The following ADAMTS20 variants were observed in gnomAD, a reference collection of about 807,000 sequenced individuals.
ADAMTS20 encodes A disintegrin and metalloproteinase with thrombospondin motifs 20.
Under a neutral mutation model 260.1 loss-of-function variants are expected in ADAMTS20, and 225 were observed. That is an observed-to-expected ratio of 0.87 (90% CI 0.78 to 0.97). The LOEUF is 0.97. Among genes scored for constraint, ADAMTS20 ranks in the 50% least tolerant of loss-of-function variants. ADAMTS20 has a pLI of 0.00. For missense variants in ADAMTS20, 2,400 were observed against 2,337.7 expected, an observed-to-expected ratio of 1.03 and a Z score of -0.55; for synonymous variants, 802 against 769.5, an observed-to-expected ratio of 1.04 and a Z score of -0.70.
intron 2 of ADAMTS20, among the ~76,000 whole-genome samples, chr12:43,549,603 G>A (rs1477120879): frequency 6.6e-6 from 1 of 152,144 alleles, no homozygotes; most frequent in Non-Finnish European, 1.5e-5. Context: ...GTGGTAGCAA[G>A]TCTAGGATTT....
At chr12:43,467,050 A>G (rs1942167508) in intron 8 of ADAMTS20, among the ~76,000 whole-genome samples, 1 of 152,012 alleles carries the variant, frequency 6.6e-6, no homozygotes, top group Non-Finnish European at 1.5e-5. Flanking sequence ...GTTGCACCTC[A>G]TCACAATATG....
chr12:43,377,601 A>G (rs915898425), intron 31 of ADAMTS20, 39 bp from the exon 32 acceptor site: 26 of 1,549,748 alleles, frequency 1.7e-5, no homozygotes, highest in Non-Finnish European at 2.2e-5. Context: ...AATGTCATTA[A>G]CTTTAGCCAG....
intron 3 of ADAMTS20, among the ~76,000 whole-genome samples, chr12:43,504,577 A>G (rs1281744000): frequency 6.6e-6 from 1 of 152,190 alleles, no homozygotes; most frequent in Non-Finnish European, 1.5e-5. Context: ...GAGATCCCAG[A>G]TATACCTGAT....
At chr12:43,513,696 T>C (rs966211849) in intron 3 of ADAMTS20, among the ~76,000 whole-genome samples, 2 of 151,848 alleles carry the variant, frequency 1.3e-5, no homozygotes, top group Non-Finnish European at 2.9e-5. Flanking sequence ...ATTAAGAAAA[T>C]ATGGCACATA....
chr12:43,369,055 A>T (rs78370585), intron 37 of ADAMTS20, among the ~76,000 whole-genome samples: 1 of 152,156 alleles, frequency 6.6e-6, no homozygotes, highest in African/African-American at 2.4e-5. Context: ...CACATTATGG[A>T]AGAAGAAATA....
chr12:43,466,563 C>G lies in ADAMTS20; in HGVS notation c.1367+89G>C, dbSNP rs1224166844. 14 of 1,266,408 alleles carry G rather than the reference C, an allele frequency of 1.1e-5. 1 individual carries two copies. The Admixed American group carries it at 1.8e-4, about 16-fold the overall frequency. The allele number at this position is 1,266,408 out of a possible 1,614,324, so 78.4% of individuals were successfully genotyped here. A position where few individuals can be genotyped will look rare whatever the true frequency, so the allele number is the denominator to read the frequency against. On this transcript the variant is annotated intron_variant, in intron 9 of 38. Transcript: ENST00000389420. ...AAACATAAATTTAAACAAGAAAAAGCTAAACAGAAATTGAACCACCTTTAA... is the reference window on the plus strand; with the variant it reads ...AAACATAAATTTAAACAAGAAAAAGGTAAACAGAAATTGAACCACCTTTAA...
intron 10 of ADAMTS20, among the ~76,000 whole-genome samples, chr12:43,463,596 T>A (rs1440024088): frequency 6.6e-6 from 1 of 152,120 alleles, no homozygotes; most frequent in African/African-American, 2.4e-5. Context: ...TGGAAAGAAA[T>A]GTATCTTTTA....
intron 11 of ADAMTS20, among the ~76,000 whole-genome samples, chr12:43,456,447 C>T (rs554753550): frequency 1.2e-4 from 18 of 152,254 alleles, no homozygotes; most frequent in African/African-American, 2.4e-5. Flanking sequence ...CATGTACATT[C>T]TTTAACTCCC....
rs1052224306 is a variant in ADAMTS20, at chr12:43,429,685, C to T, written c.3421G>A (p.Glu1141Lys). 1 of 1,595,736 alleles carries T rather than the reference C, an allele frequency of 6.3e-7. No homozygotes were observed. Among genetic ancestry groups the T allele is most frequent in the African/African-American group, 1.3e-5 (1 of 74,662 alleles). The change falls in exon 24 of 39, where the codon GAG (glutamate) becomes AAG (lysine). Residue 1141 changes from glutamate to lysine, a missense_variant. Coordinates refer to ENST00000389420, the MANE Select transcript of ADAMTS20 (RefSeq NM_025003.5). ...AGAACAGTTGGTAATAAAGCGGTCT[C>T]AAGTTTAGAAATAAATGAGCAAGGT... The part of the protein sequence containing the change: ...LTPCSFISKL[E>K]TALLPTVLIK...
chr12:43,470,937 A>G (rs1942243654), intron 7 of ADAMTS20, among the ~76,000 whole-genome samples: 1 of 152,248 alleles, frequency 6.6e-6, no homozygotes, highest in Non-Finnish European at 1.5e-5. Flanking sequence ...GTTCAGATAT[A>G]GTATCTCATA....
At chr12:43,459,122 C>A (rs1397342367) in intron 11 of ADAMTS20, among the ~76,000 whole-genome samples, 1 of 152,220 alleles carries the variant, frequency 6.6e-6, no homozygotes, top group East Asian at 1.9e-4. Context: ...CAGCTGCACT[C>A]TTCTGGTCCA....
chr12:43,530,098 GAA>G (rs1943199921), intron 3 of ADAMTS20, among the ~76,000 whole-genome samples: 1 of 151,956 alleles, frequency 6.6e-6, no homozygotes, highest in Non-Finnish European at 1.5e-5. Context: ...ATGATTAAAA[GAA>G]AATGAAATTA....
intron 3 of ADAMTS20, among the ~76,000 whole-genome samples, chr12:43,528,347 G>GA (rs1565583137): frequency 4.3e-4 from 1 of 2,308 alleles, no homozygotes; most frequent in African/African-American, 7.6e-4. Flanking sequence ...GCAATCCTAA[G>GA]CAAAAAAAAA....
At chr12:43,435,873 C>A (rs1565697532) in intron 18 of ADAMTS20, among the ~76,000 whole-genome samples, 1 of 151,716 alleles carries the variant, frequency 6.6e-6, no homozygotes, top group Non-Finnish European at 1.5e-5. Flanking sequence ...CATAACTGAC[C>A]AGAGTCATTT....
At chr12:43,441,085 A>G (rs1262016507) in intron 16 of ADAMTS20, among the ~76,000 whole-genome samples, 2 of 151,658 alleles carry the variant, frequency 1.3e-5, no homozygotes, top group Non-Finnish European at 2.9e-5. Flanking sequence ...AAACAAAAAA[A>G]AAACTCTAGG....
intron 3 of ADAMTS20, among the ~76,000 whole-genome samples, chr12:43,514,431 G>A (rs959154852): frequency 4.6e-5 from 7 of 151,460 alleles, no homozygotes; most frequent in East Asian, 2.0e-4. Context: ...GTGTAGTGGC[G>A]CGTGCCTGTA....
At chr12:43,423,450 G>T in intron 28 of ADAMTS20, 1 of 398,732 alleles carries the variant, frequency 2.5e-6, no homozygotes, top group Non-Finnish European at 4.5e-6. Context: ...TTGGTGAATT[G>T]AAGTCATGAA....
chr12:43,439,438 A>G (rs938131845), intron 18 of ADAMTS20, among the ~76,000 whole-genome samples, 184 bp downstream of exon 18: 2 of 152,262 alleles, frequency 1.3e-5, no homozygotes, highest in Non-Finnish European at 2.9e-5. Context: ...GCTGTTAAGT[A>G]TAAGAAACAG....
intron 2 of ADAMTS20, among the ~76,000 whole-genome samples, chr12:43,539,725 T>C (rs1943349928): frequency 6.6e-6 from 1 of 152,194 alleles, no homozygotes. Context: ...TCTGCCTTTT[T>C]TAAAAAGCAT....
Sources: allele counts gnomAD v4.1 joint callset (sites outside exome capture counted in the v4.1 genomes callset), GRCh38; gene constraint gnomAD v4.1.1; transcripts MANE v1.5; gene names NCBI Gene and HGNC (gene_info 2026-07-23, HGNC 2026-07-21).